The following USP42 variants were observed in gnomAD, a reference collection of about 807,000 sequenced individuals.
USP42 encodes ubiquitin specific peptidase 42, also known as ubiquitin carboxyl-terminal hydrolase 42.
Under a neutral mutation model 113.0 loss-of-function variants are expected in USP42, and 23 were observed. That is an observed-to-expected ratio of 0.20 (90% CI 0.15 to 0.29). The LOEUF (loss-of-function observed/expected upper bound fraction) is 0.29, where lower values mean the gene tolerates loss of function less well. USP42 is among the 10% of genes least tolerant of loss of function. The probability of loss-of-function intolerance (pLI) is 1.00; values close to 1 mark genes in which losing one functional copy is unlikely to be tolerated. For synonymous variants in USP42, 933 were observed against 699.0 expected (o/e 1.33, Z -5.28); for missense variants, 2,174 against 1,779.8 (o/e 1.22, Z -3.99).
At chr7:6,146,355 C>A (rs62454273) in intron 11 of USP42, 107 bp downstream of exon 11, 23 of 739,348 alleles carry the variant, frequency 3.1e-5, no homozygotes, top group Non-Finnish European at 4.9e-5. Context: ...AAAAAAAACC[C>A]AGCAGCTTAA....
In USP42 at chr7:6,156,895, CA is replaced by C; in HGVS notation, c.3784del (p.Thr1262ProfsTer66). On this transcript the variant is annotated frameshift_variant, in exon 16 of 18. Transcript: ENST00000306177. LOFTEE classifies it high-confidence loss of function. ...KDSELHLPRVTSLETVAQFRR... is the reference protein window; with the variant it reads ...KDSELHLPRVXSLETVAQFRR... ...ATTCAGAACTGCACTTACCCAGGGT[CA>C]CCAGCTTGGAGACTGTCGCCCAGTT... 6.2e-7 allele frequency: 1 copy of C among 1,613,732 alleles called. No homozygotes were observed.
At chr7:6,086,594 C>A in the USP42 span, among the ~76,000 whole-genome samples, 3 of 150,668 alleles carry the variant, frequency 2.0e-5, no homozygotes, top group Non-Finnish European at 4.4e-5. Flanking sequence ...AGGTGATCCA[C>A]CCCCCTCAAC....
In USP42 at chr7:6,135,756, G is replaced by A. The variant is rs192175665; in HGVS notation, c.443-85G>A. On this transcript the variant is annotated intron_variant, in intron 3 of 17. Transcript: ENST00000306177. ...TATAGCAGCTATTATTTCATTTCAG[G>A]TGTGTGCCCCTGATTTGTAATTAGC... 3 of 581,382 alleles carry A rather than the reference G, an allele frequency of 5.2e-6. No homozygotes were observed. The Admixed American group carries it at 1.1e-4, about 21-fold the overall frequency. 36.0% of individuals were successfully genotyped at this position (581,382 alleles called of 1,614,324 possible).
intron 3 of USP42, among the ~76,000 whole-genome samples, chr7:6,127,173 GTTC>G: frequency 6.6e-6 from 1 of 152,198 alleles, no homozygotes; most frequent in Non-Finnish European, 1.5e-5. Flanking sequence ...TTTCTATCAT[GTTC>G]TTTGTTGTTG....
chr7:6,114,332 T>C (rs1325818291), intron 2 of USP42, among the ~76,000 whole-genome samples: 1 of 152,116 alleles, frequency 6.6e-6, no homozygotes, highest in Non-Finnish European at 1.5e-5. Flanking sequence ...ATTGATTGTA[T>C]TATTTATTTT....
chr7:6,132,678 T>A (rs1780915818), intron 3 of USP42, among the ~76,000 whole-genome samples: 1 of 151,624 alleles, frequency 6.6e-6, no homozygotes, highest in South Asian at 2.1e-4. Context: ...TTTGTTTGTT[T>A]GTTTGTTTTT....
At chr7:6,103,167 C>G (rs967590690), upstream of USP42, among the ~76,000 whole-genome samples, 1 of 150,904 alleles carries the variant, frequency 6.6e-6, no homozygotes, top group Admixed American at 6.6e-5. Context: ...GTGGAGACAG[C>G]CAATAAATGA....
At chr7:6,120,065 C>T (rs1367356336) in intron 3 of USP42, among the ~76,000 whole-genome samples, 2 of 152,046 alleles carry the variant, frequency 1.3e-5, no homozygotes, top group African/African-American at 2.4e-5. Flanking sequence ...CCCGGGTTCA[C>T]GCCATTCTTC....
At chr7:6,098,874 C>A in the USP42 span, among the ~76,000 whole-genome samples, 1 of 149,940 alleles carries the variant, frequency 6.7e-6, no homozygotes, top group Non-Finnish European at 1.5e-5. Context: ...AGGGTACCTA[C>A]CTCATTTGAG....
chr7:6,152,503 G>C (rs1299929302), intron 14 of USP42, among the ~76,000 whole-genome samples: 2 of 152,162 alleles, frequency 1.3e-5, no homozygotes, highest in East Asian at 1.9e-4. Context: ...ATGGCCCCCG[G>C]CGGGTGGGAG....
Position 6,159,327 on chromosome 7 carries a change from C to T in USP42, c.3944-123C>T. On this transcript the variant is annotated intron_variant, in intron 16 of 17. Transcript: ENST00000306177. The surrounding 1 kb of genome is among the most constrained non-coding windows in gnomAD (Gnocchi z 4.1). Reference sequence around the variant, plus strand: ...CCCTGCTCACCTCACTGGGGAGTGGCCTCAGGCGCTCACAGGGAACCGCAG... The same window carrying T: ...CCCTGCTCACCTCACTGGGGAGTGGTCTCAGGCGCTCACAGGGAACCGCAG... 1 of 1,298,420 alleles carries T rather than the reference C, an allele frequency of 7.7e-7. No individual in the cohort carries two copies. Among genetic ancestry groups the T allele is most frequent in the African/African-American group, 1.5e-5 (1 of 67,826 alleles). 80.4% of individuals were successfully genotyped at this position (1,298,420 alleles called of 1,614,324 possible).
Position 6,159,482 on chromosome 7 carries a change from T to G in USP42, c.*25T>G. 2 of 1,613,914 alleles carry G rather than the reference T, an allele frequency of 1.2e-6. No individual in the cohort carries two copies. The highest frequency in any genetic ancestry group is 1.7e-6 in the Non-Finnish European group (2 of 1,179,806). On this transcript the variant is annotated 3_prime_UTR_variant, in exon 17 of 18. Coordinates refer to ENST00000306177, the MANE Select transcript of USP42 (RefSeq NM_032172.3). This position sits in a 1 kb window ranked among gnomAD's most constrained non-coding sequence, Gnocchi z 4.1. ...AAAACTCAGCCTCAAAACAAAAAAT[T>G]CACTAGTTATGGTAAGCTGTTTTCC...
At chr7:6,144,813 T>C (rs548032274) in intron 9 of USP42, among the ~76,000 whole-genome samples, 1 of 151,544 alleles carries the variant, frequency 6.6e-6, no homozygotes, top group South Asian at 2.1e-4. Context: ...GAGGTTGCAG[T>C]GAGCCGAGAT....
the USP42 span, among the ~76,000 whole-genome samples, chr7:6,099,364 G>A: frequency 6.7e-6 from 1 of 148,570 alleles, no homozygotes; most frequent in African/African-American, 2.5e-5. Context: ...ACAGGCACCC[G>A]CCACCATGCC....
intron 3 of USP42, among the ~76,000 whole-genome samples, chr7:6,131,551 AT>A (rs1562825199): frequency 6.6e-6 from 1 of 152,156 alleles, no homozygotes; most frequent in African/African-American, 2.4e-5. Flanking sequence ...TAGAGCAATG[AT>A]TTCTAAAGGT....
chr7:6,090,766 T>A, the USP42 span, among the ~76,000 whole-genome samples: 3 of 145,610 alleles, frequency 2.1e-5, no homozygotes, highest in Non-Finnish European at 4.5e-5. Flanking sequence ...ACTATATATA[T>A]TATATATATA....
the USP42 span, among the ~76,000 whole-genome samples, chr7:6,082,536 T>G: frequency 6.7e-6 from 1 of 150,124 alleles, no homozygotes; most frequent in African/African-American, 2.5e-5. Context: ...GAGAATGGCT[T>G]GAATCCAAGA....
At position 6,154,339 on chromosome 7, in the gene USP42, G is replaced by T; in HGVS notation, c.2785G>T (p.Ala929Ser). The change falls in exon 15 of 18, where the codon GCG (alanine) becomes TCG (serine). Residue 929 changes from alanine (A) to serine (S), a missense_variant. Coordinates refer to ENST00000306177, the MANE Select transcript of USP42 (RefSeq NM_032172.3). ...CGGCGAGAGGGTCGAGGACGCCGCG[G>T]CGCCGAAAGCCCCAGGCCCTTCCCC... ...SPGERVEDAA[A>S]PKAPGPSPAK... The T allele has an allele frequency of 6.4e-7, 1 of 1,571,284 alleles. No homozygotes were observed. The highest frequency in any genetic ancestry group is 8.6e-7 in the Non-Finnish European group (1 of 1,159,492).
chr7:6,090,578 G>A, the USP42 span, among the ~76,000 whole-genome samples: 151 of 145,886 alleles, frequency 1.0e-3, 17 homozygotes, highest in African/African-American at 3.8e-3. Flanking sequence ...AGTTGGGCAC[G>A]GTTGTGCATG....
Sources: gnomAD v4.1 joint callset for allele counts (sites outside exome capture counted in the v4.1 genomes callset) on GRCh38, gnomAD v4.1.1 for gene constraint, Gnocchi (gnomAD v3.1) non-coding constraint, MANE v1.5 for transcripts, NCBI Gene and HGNC (gene_info 2026-07-23, HGNC 2026-07-21) for gene names.